The following TECR variants were observed in gnomAD, a reference collection of about 807,000 sequenced individuals.
TECR encodes the protein very-long-chain enoyl-CoA reductase.
Under a neutral mutation model 50.6 loss-of-function variants are expected in TECR, and 19 were observed. The observed-to-expected ratio is 0.38, with a 90% CI of 0.26 to 0.55. TECR has a LOEUF of 0.55. Among genes scored for constraint, TECR ranks in the 20% least tolerant of loss-of-function variants. The pLI is 0.79. For missense variants in TECR, 313 were observed against 408.3 expected, an observed-to-expected ratio of 0.77 and a Z score of 2.01; for synonymous variants, 168 against 163.5, an observed-to-expected ratio of 1.03 and a Z score of -0.21.
At chr19:14,544,933 C>G (rs563264443) in intron 1 of TECR, among the ~76,000 whole-genome samples, 42 of 152,194 alleles carry the variant, frequency 2.8e-4, no homozygotes, top group African/African-American at 9.6e-4. Flanking sequence ...ATGCCCAGCA[C>G]GTGGCTTGTT....
chr19:14,560,446 G>A (rs2073869318), intron 1 of TECR, among the ~76,000 whole-genome samples: 1 of 152,290 alleles, frequency 6.6e-6, no homozygotes, highest in South Asian at 2.1e-4. Flanking sequence ...GGCAGGCCCC[G>A]TGCCCGCCCA....
intron 1 of TECR, among the ~76,000 whole-genome samples, chr19:14,557,712 A>T (rs2073779688): frequency 6.6e-6 from 1 of 150,662 alleles, no homozygotes; most frequent in African/African-American, 2.5e-5. Flanking sequence ...TTGGCCTCCC[A>T]AAGTGCTAGG....
chr19:14,535,609 C>CCAGGCATCATGGTGCA (rs2146559767), intron 1 of TECR, among the ~76,000 whole-genome samples: 1 of 101,870 alleles, frequency 9.8e-6, no homozygotes, highest in African/African-American at 4.1e-5. Context: ...TATAAATTAG[C>CCAGGCATCATGGTGCA]CAGGCATCAT....
chr19:14,557,441 T>C (rs1233133203), intron 1 of TECR, among the ~76,000 whole-genome samples: 1 of 148,692 alleles, frequency 6.7e-6, no homozygotes, highest in Non-Finnish European at 1.5e-5. Context: ...GTGCCCCGCC[T>C]AATCATATTT....
At chr19:14,562,477 C>A (rs1411727002) in intron 1 of TECR, 48 bp from the exon 2 acceptor site, 1 of 1,612,008 alleles carries the variant, frequency 6.2e-7, no homozygotes, top group Non-Finnish European at 8.5e-7. Flanking sequence ...CAGGCCCACA[C>A]CCCCAAAGGT....
At position 14,544,673 on chromosome 19, in the gene TECR, G is replaced by A. The variant is rs1244605291; in HGVS notation, c.15+14962G>A. ...TTTTGAGACAGGGTCTCACTCTGTC[G>A]CCCATGCTGGAGTGCAGTGGCACGA... On this transcript the variant is annotated intron_variant, in intron 1 of 12. Coordinates refer to ENST00000215567, the MANE Select transcript of TECR (RefSeq NM_138501.6). 5.5e-5 allele frequency among the ~76,000 whole-genome samples: 8 copies of A among 145,018 alleles called. No homozygotes were observed. In the East Asian group the frequency reaches 6.0e-4, roughly 11 times the overall value.
At chr19:14,562,446 C>A in intron 1 of TECR, 79 bp from the exon 2 acceptor site, 1 of 1,557,038 alleles carries the variant, frequency 6.4e-7, no homozygotes, top group Non-Finnish European at 8.9e-7. Flanking sequence ...CAGGCCTCCT[C>A]CCTGGCCTCA....
upstream of TECR, chr19:14,529,422 G>A (rs377110354): frequency 1.3e-5 from 8 of 604,740 alleles, no homozygotes; most frequent in African/African-American, 1.1e-4. Flanking sequence ...CCTCCTACAG[G>A]CGTTCCGCCC....
chr19:14,538,429 G>A (rs142798490), intron 1 of TECR, among the ~76,000 whole-genome samples: 9 of 152,270 alleles, frequency 5.9e-5, no homozygotes, highest in African/African-American at 2.2e-4. Flanking sequence ...ATCCTTAAGC[G>A]GAGAGGGACC....
intron 1 of TECR, among the ~76,000 whole-genome samples, chr19:14,540,793 A>G (rs927787319): frequency 1.3e-5 from 2 of 152,078 alleles, no homozygotes; most frequent in Non-Finnish European, 2.9e-5. Context: ...CCTCCCAAGT[A>G]GCTGGGACTG....
At chr19:14,565,353 C>T in intron 11 of TECR, 63 bp downstream of exon 11, 2 of 1,595,428 alleles carry the variant, frequency 1.3e-6, no homozygotes, top group Non-Finnish European at 1.7e-6. Context: ...GGGACCAGCC[C>T]CTAGGATGGG....
chr19:14,556,859 G>A (rs1227251672), intron 1 of TECR, among the ~76,000 whole-genome samples: 5 of 152,150 alleles, frequency 3.3e-5, no homozygotes, highest in Non-Finnish European at 7.4e-5. Context: ...AGCCTCCGCC[G>A]CTTGCAGCCA....
chr19:14,551,895 T>TTC lies in TECR; in HGVS notation c.16-10615_16-10614dup, dbSNP rs140348006. 7.7e-3 allele frequency among the ~76,000 whole-genome samples: 1,119 copies of TTC among 145,200 alleles called. 23 individuals are homozygous for TTC. The highest frequency in any genetic ancestry group is 0.027 in the African/African-American group (1,063 of 39,180). On this transcript the variant is annotated intron_variant, in intron 1 of 12. Transcript: ENST00000215567. ...TCCTTTCTTCCTCTTTTTCTTTCCT[T>TTC]TCTCTCTCTCTCTCTCCCCCTCCCT...
At chr19:14,560,249 A>G (rs117382391) in intron 1 of TECR, among the ~76,000 whole-genome samples, 3,834 of 152,234 alleles carry the variant, frequency 0.025, 70 homozygotes, top group East Asian at 0.1. Context: ...CACCCCTCCC[A>G]CTAGCAGCTG....
At chr19:14,536,327 T>G (rs1284336550) in intron 1 of TECR, among the ~76,000 whole-genome samples, 1 of 150,316 alleles carries the variant, frequency 6.7e-6, no homozygotes, top group Non-Finnish European at 1.5e-5. Context: ...TGGAGTGCAG[T>G]GGTGCCATCT....
intron 1 of TECR, among the ~76,000 whole-genome samples, chr19:14,547,154 T>A (rs1160866132): frequency 6.7e-6 from 1 of 150,052 alleles, no homozygotes. Flanking sequence ...TAGCCTCTTA[T>A]TTTTTTTTAA....
chr19:14,565,425 G>A, intron 11 of TECR, 135 bp downstream of exon 11: 2 of 1,362,790 alleles, frequency 1.5e-6, no homozygotes, highest in South Asian at 1.2e-5. Flanking sequence ...TGGAGACCGC[G>A]GCCTCTCTGC....
intron 1 of TECR, among the ~76,000 whole-genome samples, chr19:14,558,316 T>C (rs1366477468): frequency 6.6e-6 from 1 of 152,108 alleles, no homozygotes; most frequent in Non-Finnish European, 1.5e-5. Context: ...CCCCCATTAG[T>C]AATATCTTCA....
At chr19:14,540,955 C>T (rs2073076634) in intron 1 of TECR, among the ~76,000 whole-genome samples, 1 of 151,990 alleles carries the variant, frequency 6.6e-6, no homozygotes, top group Non-Finnish European at 1.5e-5. Flanking sequence ...TTGCCTCAGG[C>T]TCCGGAGTAA....
Sources: gnomAD v4.1 joint callset for allele counts (sites outside exome capture counted in the v4.1 genomes callset) on GRCh38, gnomAD v4.1.1 for gene constraint, MANE v1.5 for transcripts, NCBI Gene and HGNC (gene_info 2026-07-23, HGNC 2026-07-21) for gene names.